The following EPM2A variants were observed in gnomAD, a reference collection of about 807,000 sequenced individuals.
EPM2A encodes EPM2A glucan phosphatase, laforin.
In EPM2A, 21 loss-of-function variants were observed where a neutral mutation model predicts 26.5. The ratio of observed to expected loss-of-function variants is 0.79; its 90% confidence interval spans 0.56 to 1.14. The LOEUF (loss-of-function observed/expected upper bound fraction) is 1.14. Among genes scored for constraint, EPM2A ranks in the 50% most tolerant of loss-of-function variants. The pLI is 0.00. For synonymous variants in EPM2A, 217 were observed against 177.6 expected, an observed-to-expected ratio of 1.22 and a Z score of -1.76; for missense variants, 458 against 440.8, an observed-to-expected ratio of 1.04 and a Z score of -0.35.
At chr6:145,619,983 T>C (rs1775597716) in intron 2 of EPM2A, among the ~76,000 whole-genome samples, 1 of 152,194 alleles carries the variant, frequency 6.6e-6, no homozygotes, top group Non-Finnish European at 1.5e-5. Context: ...CATATAAACA[T>C]GGCTTAAGCC....
intron 1 of EPM2A, among the ~76,000 whole-genome samples, chr6:145,713,349 G>A (rs553861430): frequency 6.6e-6 from 1 of 152,200 alleles, no homozygotes; most frequent in East Asian, 1.9e-4. Flanking sequence ...ACACAGCAAT[G>A]AAAAGGCAAA....
At chr6:145,560,024 G>A (rs1343738990) in intron 2 of EPM2A, among the ~76,000 whole-genome samples, 8 of 152,120 alleles carry the variant, frequency 5.3e-5, no homozygotes, top group Non-Finnish European at 1.0e-4. Context: ...AGGAAGGCAA[G>A]TTCTCAAATG....
chr6:145,727,798 G>A (rs1776286379), intron 1 of EPM2A, among the ~76,000 whole-genome samples: 1 of 152,006 alleles, frequency 6.6e-6, no homozygotes, highest in African/African-American at 2.4e-5. Context: ...TTTTTTCAGG[G>A]AAGGAATGTG....
chr6:145,607,293 T>A (rs933261301), intron 2 of EPM2A, among the ~76,000 whole-genome samples: 1 of 152,148 alleles, frequency 6.6e-6, no homozygotes, highest in Non-Finnish European at 1.5e-5. Context: ...AATGACTGTA[T>A]CATGGGAGCT....
intron 2 of EPM2A, among the ~76,000 whole-genome samples, chr6:145,609,703 T>A (rs1775349000): frequency 1.3e-5 from 2 of 152,188 alleles, no homozygotes; most frequent in Admixed American, 1.3e-4. Flanking sequence ...ATTTTTTAAC[T>A]CTGTCTTCTC....
chr6:145,579,064 A>G (rs1224499090), intron 2 of EPM2A, among the ~76,000 whole-genome samples: 1 of 152,120 alleles, frequency 6.6e-6, no homozygotes, highest in African/African-American at 2.4e-5. Context: ...TGACGAGTTA[A>G]TAGGTGCAGC....
At chr6:145,435,409 T>TTATATATA (rs3063952) in intron 4 of EPM2A, among the ~76,000 whole-genome samples, 55 of 126,572 alleles carry the variant, frequency 4.3e-4, no homozygotes, top group African/African-American at 1.2e-3. Flanking sequence ...AGTGAAGAAT[T>TTATATATA]TATATATATA....
At chr6:145,637,685 G>A in intron 2 of EPM2A, 1 of 152,222 alleles carries the variant, frequency 6.6e-6, no homozygotes, top group East Asian at 1.9e-4. Flanking sequence ...TGGACCCAGT[G>A]TACTGAGAGA....
chr6:145,710,906 G>A (rs1411423132), intron 1 of EPM2A, among the ~76,000 whole-genome samples: 1 of 147,044 alleles, frequency 6.8e-6, no homozygotes, highest in African/African-American at 2.5e-5. Flanking sequence ...TCACTCATAG[G>A]TGGGAATTGA....
chr6:145,597,953 T>C, intron 2 of EPM2A, among the ~76,000 whole-genome samples: 1 of 152,224 alleles, frequency 6.6e-6, no homozygotes, highest in East Asian at 1.9e-4. Context: ...ATGTACCACA[T>C]TTTCTTCATC....
intron 2 of EPM2A, chr6:145,637,937 C>T (rs1776816640): frequency 6.6e-6 from 1 of 152,160 alleles, no homozygotes; most frequent in Non-Finnish European, 1.5e-5. Context: ...CGTATGTATA[C>T]TTTGGGGTTC....
intron 4 of EPM2A, among the ~76,000 whole-genome samples, chr6:145,492,313 G>A (rs1779765664): frequency 6.6e-6 from 1 of 152,094 alleles, no homozygotes; most frequent in Non-Finnish European, 1.5e-5. Flanking sequence ...AGTGCTTTTG[G>A]GTGCCGGCAG....
intron 4 of EPM2A, among the ~76,000 whole-genome samples, chr6:145,451,044 T>G (rs1779189468): frequency 6.6e-6 from 1 of 152,188 alleles, no homozygotes; most frequent in South Asian, 2.1e-4. Flanking sequence ...ATCAATAAAG[T>G]CAGCCTCTCA....
At chr6:145,609,692 C>T (rs957360394) in intron 2 of EPM2A, among the ~76,000 whole-genome samples, 3 of 152,116 alleles carry the variant, frequency 2.0e-5, no homozygotes, top group African/African-American at 7.2e-5. Flanking sequence ...TTCAGCTGTA[C>T]ATTTTTTAAC....
intron 2 of EPM2A, among the ~76,000 whole-genome samples, chr6:145,659,445 G>A (rs1778529092): frequency 6.6e-6 from 1 of 152,058 alleles, no homozygotes; most frequent in Non-Finnish European, 1.5e-5. Flanking sequence ...AAGAAAATCA[G>A]AATATGAGGT....
intron 1 of EPM2A, among the ~76,000 whole-genome samples, chr6:145,698,534 CA>C (rs369609711): frequency 6.7e-6 from 1 of 148,490 alleles, no homozygotes; most frequent in African/African-American, 2.5e-5. Flanking sequence ...AATAGTACAA[CA>C]AAAAACTTCT....
intron 2 of EPM2A, among the ~76,000 whole-genome samples, 170 bp downstream of exon 2, chr6:145,685,952 C>T (rs1293633781): frequency 6.6e-6 from 1 of 152,106 alleles, no homozygotes; most frequent in Admixed American, 6.6e-5. Flanking sequence ...CACATCTAGA[C>T]CCAGAAAATC....
At chr6:145,671,674 C>G (rs1223193572) in intron 2 of EPM2A, among the ~76,000 whole-genome samples, 1 of 152,180 alleles carries the variant, frequency 6.6e-6, no homozygotes, top group African/African-American at 2.4e-5. Flanking sequence ...GCTCCTTAGT[C>G]TGTCTCCAAA....
intron 4 of EPM2A, among the ~76,000 whole-genome samples, chr6:145,456,053 CTGTT>C (rs982393696): frequency 6.6e-6 from 1 of 152,066 alleles, no homozygotes; most frequent in Non-Finnish European, 1.5e-5. Flanking sequence ...TTAAAACCCT[CTGTT>C]GTGTTGTTCT....
Sources: gnomAD v4.1 joint callset for allele counts (sites outside exome capture counted in the v4.1 genomes callset) on GRCh38, gnomAD v4.1.1 for gene constraint, MANE v1.5 for transcripts, NCBI Gene and HGNC (gene_info 2026-07-23, HGNC 2026-07-21) for gene names.